RBM24: variants seen among roughly 807,000 people sequenced by gnomAD.
RBM24 encodes the protein RNA binding motif protein 24.
A neutral mutation model predicts 23.6 loss-of-function variants in RBM24; 5 were observed. The ratio of observed to expected loss-of-function variants is 0.21; its 90% confidence interval spans 0.11 to 0.45. RBM24 has a LOEUF of 0.45. Ranked by LOEUF, RBM24 falls within the 20% of genes least tolerant of loss-of-function variation. RBM24 has a pLI of 0.99. For synonymous variants in RBM24, 151 were observed against 129.5 expected, an observed-to-expected ratio of 1.17 and a Z score of -1.13; for missense variants, 252 against 314.6, an observed-to-expected ratio of 0.80 and a Z score of 1.51.
chr6:17,285,749 T>C (rs946591719), intron 3 of RBM24, among the ~76,000 whole-genome samples: 1 of 152,178 alleles, frequency 6.6e-6, no homozygotes, highest in Non-Finnish European at 1.5e-5. Context: ...TGTCTTTGGG[T>C]CCTGTGATTA....
At position 17,292,227 on chromosome 6, in the gene RBM24, A is replaced by AAAAC; in HGVS notation, c.*109_*110insAACA. The AAAAC allele has an allele frequency of 9.2e-7, 1 of 1,085,454 alleles. No individual in the cohort carries two copies. The highest frequency in any genetic ancestry group is 1.3e-6 in the Non-Finnish European group (1 of 786,244). 67.2% of individuals were successfully genotyped at this position (1,085,454 alleles called of 1,614,324 possible). On this transcript the variant is annotated 3_prime_UTR_variant, in exon 4 of 4. Coordinates refer to ENST00000379052, the MANE Select transcript of RBM24 (RefSeq NM_001143942.2). ...TTGACTTAACAGCTTTAAAAAAAAA[A>AAAAC]ACAGCCATGCTATTGTGAAGCAGAG...
chr6:17,290,813 C>A (rs1457967824), intron 3 of RBM24: 3 of 1,275,816 alleles, frequency 2.4e-6, no homozygotes, highest in East Asian at 5.6e-5. Flanking sequence ...TCAACCTCAT[C>A]ATTTCCCCAA....
intron 3 of RBM24, chr6:17,289,013 A>C: frequency 1.0e-6 from 1 of 985,452 alleles, no homozygotes; most frequent in African/African-American, 1.7e-5. Context: ...TAAAAGTCAC[A>C]TAGAGATGTC....
intron 2 of RBM24, 140 bp downstream of exon 2, chr6:17,283,068 G>A: frequency 1.6e-6 from 1 of 632,742 alleles, no homozygotes; most frequent in South Asian, 2.0e-5. Context: ...ATTCTACCAA[G>A]GCATTAAACA....
chr6:17,290,877 G>T (rs1320228799), intron 3 of RBM24: 1 of 1,289,658 alleles, frequency 7.8e-7, no homozygotes, highest in Non-Finnish European at 1.0e-6. Flanking sequence ...ACCCTCAGGT[G>T]CCTGATAGTC....
At chr6:17,288,012 A>T (rs1000330230) in intron 3 of RBM24, 1 of 153,048 alleles carries the variant, frequency 6.5e-6, no homozygotes, top group African/African-American at 2.4e-5. Context: ...GATTGTAATG[A>T]TAAGGGATTT....
chr6:17,290,068 G>C (rs745806683), intron 3 of RBM24: 3 of 1,289,214 alleles, frequency 2.3e-6, no homozygotes, highest in African/African-American at 3.0e-5. Flanking sequence ...CTACAAGTCT[G>C]GTAAAATTGA....
At chr6:17,283,797 A>G (rs566011385) in intron 2 of RBM24, among the ~76,000 whole-genome samples, 3 of 152,344 alleles carry the variant, frequency 2.0e-5, no homozygotes, top group East Asian at 1.9e-4. Context: ...CAAGAACCCT[A>G]TGCTACAGAC....
Position 17,281,565 on chromosome 6 carries a change from G to C in RBM24, c.-17G>C. ...CGCAGCCGCAGCCGGAGCCCGAGCC[G>C]CGGGGCGGGTGCGAAGATGCACACG... On this transcript the variant is annotated 5_prime_UTR_variant, in exon 1 of 4. Transcript: ENST00000379052. This position sits in a 1 kb window ranked among gnomAD's most constrained non-coding sequence, Gnocchi z 7.1. 6.7e-7 allele frequency: 1 copy of C among 1,486,816 alleles called. No individual in the cohort carries two copies. Among genetic ancestry groups the C allele is most frequent in the Non-Finnish European group, 8.9e-7 (1 of 1,118,624 alleles). 92.1% of individuals were successfully genotyped at this position (1,486,816 alleles called of 1,614,324 possible). A position where few individuals can be genotyped will look rare whatever the true frequency, so the allele number is the denominator to read the frequency against.
rs773457621 is a variant in RBM24 at position 17,292,039 on chromosome 6, G to A, written c.631G>A (p.Ala211Thr). The A allele has an allele frequency of 7.7e-5, 123 of 1,596,906 alleles. No individual in the cohort carries two copies. Among genetic ancestry groups the A allele is most frequent in the Non-Finnish European group, 5.3e-5 (62 of 1,176,124 alleles). ...ITAAAPGTAA[A>T]AAAAAAAAAA... Reference sequence around the variant, plus strand: ...CGCAGCGGCACCTGGGACAGCTGCCGCCGCCGCTGCAGCAGCTGCTGCCGC... The same window carrying A: ...CGCAGCGGCACCTGGGACAGCTGCCACCGCCGCTGCAGCAGCTGCTGCCGC... The change falls in exon 4 of 4, where the codon GCC (alanine) becomes ACC (threonine). Residue 211 changes from alanine to threonine, a missense_variant. Ala to Thr is a moderately conservative substitution (Grantham distance 58). Coordinates refer to ENST00000379052, the MANE Select transcript of RBM24 (RefSeq NM_001143942.2).
chr6:17,289,528 C>A, intron 3 of RBM24: 7 of 985,400 alleles, frequency 7.1e-6, no homozygotes, highest in Non-Finnish European at 8.4e-6. Flanking sequence ...GCAACCTTGC[C>A]TGTCTTTTAA....
rs200637339 is a variant in RBM24 at position 17,284,715 on chromosome 6, A to G, written c.347+4A>G. On this transcript the variant is annotated splice_donor_region_variant and intron_variant, in intron 3 of 3. Transcript: ENST00000379052. ...CCCTTATACAAAGACCTTTCGGGTAAGTTGATTAATCAGGCTTTCTTAAGT... is the reference window on the plus strand; with the variant it reads ...CCCTTATACAAAGACCTTTCGGGTAGGTTGATTAATCAGGCTTTCTTAAGT... 4 of 1,609,260 alleles carry G rather than the reference A, an allele frequency of 2.5e-6. No homozygotes were observed. Among genetic ancestry groups the G allele is most frequent in the East Asian group, 2.2e-5 (1 of 44,756 alleles).
At position 17,282,850 on chromosome 6, in the gene RBM24, C is replaced by T; in HGVS notation, c.214C>T (p.Pro72Ser). 6.2e-7 allele frequency: 1 copy of T among 1,614,060 alleles called. No individual in the cohort carries two copies. The highest frequency in any genetic ancestry group is 1.1e-5 in the South Asian group (1 of 91,072). ...TGCTGCCGAAAGGGCCTGCAAGGAT[C>T]CCAATCCCATCATTGATGGCAGAAA... Reference protein sequence around the residue: ...RAAAERACKDPNPIIDGRKAN... With the variant: ...RAAAERACKDSNPIIDGRKAN... Residue 72 changes from proline to serine, a missense_variant, in exon 2 of 4, where the codon CCC becomes TCC. Coordinates refer to ENST00000379052, the MANE Select transcript of RBM24 (RefSeq NM_001143942.2).
At chr6:17,287,048 G>T (rs765932759) in intron 3 of RBM24, among the ~76,000 whole-genome samples, 2 of 152,230 alleles carry the variant, frequency 1.3e-5, no homozygotes, top group Non-Finnish European at 2.9e-5. Flanking sequence ...TTATTAGTGT[G>T]TGCATAAATT....
chr6:17,289,970 C>T (rs534727074), intron 3 of RBM24: 20 of 1,289,260 alleles, frequency 1.6e-5, no homozygotes, highest in East Asian at 1.1e-4. Context: ...CATGACCACG[C>T]GCCTGGTTTC....
At chr6:17,282,746 T>G (rs576303625) in intron 1 of RBM24, 59 bp from the exon 2 acceptor site, 1 of 1,596,898 alleles carries the variant, frequency 6.3e-7, no homozygotes, top group South Asian at 1.1e-5. Flanking sequence ...GATTCTTGAT[T>G]TCCTTCATGG....
rs868731100 is a variant in RBM24 at position 17,282,947 on chromosome 6, C to T, written c.292+19C>T. 1 of 1,566,834 alleles carries T rather than the reference C, an allele frequency of 6.4e-7. No homozygotes were observed. Among genetic ancestry groups the T allele is most frequent in the African/African-American group, 1.4e-5 (1 of 74,064 alleles). On this transcript the variant is annotated intron_variant, in intron 2 of 3. Transcript: ENST00000379052. ...CAACCAGGTGAGAAATGTCTGTCTC[C>T]CCTACCCCCCTCTCCAAGAACCCCC...
At chr6:17,282,995 C>CT (rs1165580423) in intron 2 of RBM24, 67 bp downstream of exon 2, 1 of 1,135,564 alleles carries the variant, frequency 8.8e-7, no homozygotes, top group African/African-American at 1.5e-5. Context: ...GGATGATTCT[C>CT]TAATTTAGAA....
At chr6:17,282,559 G>A (rs1031937867) in intron 1 of RBM24, 4 of 560,040 alleles carry the variant, frequency 7.1e-6, no homozygotes, top group Non-Finnish European at 1.2e-5. Flanking sequence ...GCGGTGGGGT[G>A]GGGGGAGGCA....
Sources: gnomAD v4.1 joint callset for allele counts (sites outside exome capture counted in the v4.1 genomes callset) on GRCh38, gnomAD v4.1.1 for gene constraint, Gnocchi (gnomAD v3.1) non-coding constraint, MANE v1.5 for transcripts, NCBI Gene and HGNC (gene_info 2026-07-23, HGNC 2026-07-21) for gene names.